RORB: variants seen among roughly 807,000 people sequenced by gnomAD.
RORB encodes the protein RAR related orphan receptor B.
In RORB, 6 loss-of-function variants were observed where a neutral mutation model predicts 59.1. The ratio of observed to expected loss-of-function variants is 0.10; its 90% CI spans 0.06 to 0.20. The LOEUF is 0.20. Ranked by LOEUF, RORB falls within the 10% of genes least tolerant of loss-of-function variation. The pLI is 1.00. For synonymous variants in RORB, 215 were observed against 204.5 expected, an observed-to-expected ratio of 1.05 and a Z score of -0.44; for missense variants, 320 against 560.5, an observed-to-expected ratio of 0.57 and a Z score of 4.33.
At chr9:74,629,750 G>C (rs1823584961) in intron 1 of RORB, among the ~76,000 whole-genome samples, 1 of 152,130 alleles carries the variant, frequency 6.6e-6, no homozygotes, top group Non-Finnish European at 1.5e-5. Context: ...TATACAGCAT[G>C]CTCAGTAAAT....
chr9:74,585,427 T>G (rs1199924993), intron 1 of RORB, among the ~76,000 whole-genome samples: 1 of 152,248 alleles, frequency 6.6e-6, no homozygotes, highest in Admixed American at 6.5e-5. Flanking sequence ...TTTATTTTCT[T>G]TTAATGTAAG....
Position 74,530,076 on chromosome 9 carries a change from T to C in RORB, c.7+32093T>C, listed in dbSNP as rs144823570. On this transcript the variant is annotated intron_variant, in intron 1 of 9. Transcript: ENST00000376896. ...AAGCACTTCATGTTTCTTCTGAAAA[T>C]TGATCCTCCCTTTCTGTTTCTACAA... Among the ~76,000 whole-genome samples, 1,326 of 152,130 alleles carry C rather than the reference T, an allele frequency of 8.7e-3. 10 individuals carry two copies. The highest frequency in any genetic ancestry group is 0.014 in the Non-Finnish European group (924 of 67,940).
chr9:74,498,300 G>C (rs1328864449), intron 1 of RORB: 1 of 433,088 alleles, frequency 2.3e-6, no homozygotes. Flanking sequence ...GGAAGCGGAC[G>C]CGGGATGGAG....
At chr9:74,652,006 T>C (rs1007049039) in intron 4 of RORB, among the ~76,000 whole-genome samples, 6 of 152,234 alleles carry the variant, frequency 3.9e-5, no homozygotes, top group African/African-American at 7.2e-5. Context: ...CCCTCTTAGA[T>C]AGTTAACTTG....
chr9:74,660,844 G>A (rs1824169520), intron 5 of RORB, 106 bp downstream of exon 5: 1 of 1,190,840 alleles, frequency 8.4e-7, no homozygotes, highest in South Asian at 1.6e-5. Context: ...TTTCTGTAAG[G>A]GCATCCTGCA....
At chr9:74,663,873 C>T (rs1382038575) in intron 6 of RORB, among the ~76,000 whole-genome samples, 2 of 152,004 alleles carry the variant, frequency 1.3e-5, no homozygotes, top group African/African-American at 4.8e-5. Flanking sequence ...TCTCTAGGTT[C>T]CAAAAGCTAG....
At chr9:74,550,253 T>A (rs1413703320) in intron 1 of RORB, among the ~76,000 whole-genome samples, 1 of 152,218 alleles carries the variant, frequency 6.6e-6, no homozygotes, top group Non-Finnish European at 1.5e-5. Flanking sequence ...AAATATAGAT[T>A]GTTTAAAGTC....
At chr9:74,622,917 C>G (rs148153512) in intron 1 of RORB, among the ~76,000 whole-genome samples, 38 of 152,248 alleles carry the variant, frequency 2.5e-4, no homozygotes, top group African/African-American at 8.7e-4. Context: ...TCAGGGACCA[C>G]ACTTTGAGTC....
intron 1 of RORB, among the ~76,000 whole-genome samples, chr9:74,528,469 TC>T (rs1357536977): frequency 1.3e-5 from 2 of 152,018 alleles, no homozygotes; most frequent in African/African-American, 2.4e-5. Flanking sequence ...GATGTTTGAA[TC>T]CAGGATTTAG....
At chr9:74,575,512 G>C (rs1233528992) in intron 1 of RORB, among the ~76,000 whole-genome samples, 1 of 152,056 alleles carries the variant, frequency 6.6e-6, no homozygotes, top group African/African-American at 2.4e-5. Context: ...TGCCTGACAG[G>C]AAAGCCTGTG....
chr9:74,611,661 G>GTTTA (rs1373143946), intron 1 of RORB, among the ~76,000 whole-genome samples: 1 of 152,070 alleles, frequency 6.6e-6, no homozygotes, highest in Non-Finnish European at 1.5e-5. Flanking sequence ...TTGTTTGTTT[G>GTTTA]TTTTTGAGAT....
intron 9 of RORB, among the ~76,000 whole-genome samples, chr9:74,678,821 G>A (rs796786511): frequency 3.3e-5 from 5 of 152,020 alleles, no homozygotes; most frequent in African/African-American, 1.2e-4. Flanking sequence ...GATTACCTAA[G>A]GTCAGTTCAA....
At position 74,642,415 on chromosome 9, in the gene RORB, T is replaced by C; in HGVS notation, c.237T>C (p.Ala79=). 1 of 1,605,968 alleles carries C rather than the reference T, an allele frequency of 6.2e-7. No homozygotes were observed. Among genetic ancestry groups the C allele is most frequent in the Non-Finnish European group, 8.5e-7 (1 of 1,175,502 alleles). Residue 79 remains alanine, a splice_region_variant and synonymous_variant, in exon 4 of 10, where the codon GCT becomes GCC. Transcript: ENST00000376896. ...KCLALGMSRD[A]VKFGRMSKKQ... Reference sequence around the variant, plus strand: ...TTTCTGCTTTTCTCTCCAACCCAGCTGTGAAGTTTGGGAGGATGTCCAAGA... The same window carrying C: ...TTTCTGCTTTTCTCTCCAACCCAGCCGTGAAGTTTGGGAGGATGTCCAAGA...
chr9:74,605,294 G>C (rs915832138), intron 1 of RORB, among the ~76,000 whole-genome samples: 4 of 152,176 alleles, frequency 2.6e-5, no homozygotes, highest in Non-Finnish European at 5.9e-5. Context: ...TTTACGGCAG[G>C]TAGTCAAATT....
Position 74,623,133 on chromosome 9 carries a change from G to A in RORB, c.8-7149G>A, listed in dbSNP as rs187046041. 2.0e-5 allele frequency among the ~76,000 whole-genome samples: 3 copies of A among 152,270 alleles called. No homozygotes were observed. The East Asian group carries it at 5.8e-4, about 29-fold the overall frequency. On this transcript the variant is annotated intron_variant, in intron 1 of 9. Coordinates refer to ENST00000376896, the MANE Select transcript of RORB (RefSeq NM_006914.4). ...ATCTCCCTTACCTTTATCAAAAGAA[G>A]TACCATTCAATTTTTAAAATAGAAA...
chr9:74,552,063 G>C (rs994816180), intron 1 of RORB, among the ~76,000 whole-genome samples: 1 of 152,180 alleles, frequency 6.6e-6, no homozygotes, highest in African/African-American at 2.4e-5. Flanking sequence ...ATGCTGGGGG[G>C]CCGTCAGGTG....
chr9:74,556,997 C>T (rs914418871), intron 1 of RORB, among the ~76,000 whole-genome samples: 2 of 151,828 alleles, frequency 1.3e-5, no homozygotes, highest in African/African-American at 4.8e-5. Context: ...TAGATATGTC[C>T]TTGCCTATTT....
intron 1 of RORB, among the ~76,000 whole-genome samples, chr9:74,576,717 T>C (rs1822641442): frequency 6.6e-6 from 1 of 152,128 alleles, no homozygotes; most frequent in Non-Finnish European, 1.5e-5. Flanking sequence ...GAAAATGTTA[T>C]TTTGAAAGCC....
chr9:74,668,987 C>G (rs921368438), intron 8 of RORB, among the ~76,000 whole-genome samples: 2 of 152,112 alleles, frequency 1.3e-5, no homozygotes, highest in Non-Finnish European at 2.9e-5. Flanking sequence ...GCTCTGTGAC[C>G]AAGTATCTGT....
Sources: gnomAD v4.1 joint callset for allele counts (sites outside exome capture counted in the v4.1 genomes callset) on GRCh38, gnomAD v4.1.1 for gene constraint, MANE v1.5 for transcripts, NCBI Gene and HGNC (gene_info 2026-07-23, HGNC 2026-07-21) for gene names.